The following ZMPSTE24 variants were observed in gnomAD, a reference collection of about 807,000 sequenced individuals.
The protein encoded by ZMPSTE24 is zinc metallopeptidase STE24, also known as CAAX prenyl protease 1 homolog.
A neutral mutation model predicts 56.7 loss-of-function variants in ZMPSTE24; 48 were observed. The ratio of observed to expected loss-of-function variants is 0.85; its 90% CI spans 0.67 to 1.08. The LOEUF (loss-of-function observed/expected upper bound fraction) is 1.08, where lower values mean the gene tolerates loss of function less well. ZMPSTE24 is among the 50% of genes least tolerant of loss of function. The probability of loss-of-function intolerance (pLI) is 0.00; values close to 1 mark genes in which losing one functional copy is unlikely to be tolerated. For synonymous variants in ZMPSTE24, 172 were observed against 195.2 expected, an observed-to-expected ratio of 0.88 and a Z score of 0.99; for missense variants, 503 against 548.7, an observed-to-expected ratio of 0.92 and a Z score of 0.83.
intron 6 of ZMPSTE24, among the ~76,000 whole-genome samples, chr1:40,275,882 G>T (rs780708174): frequency 1.3e-5 from 2 of 152,082 alleles, no homozygotes; most frequent in Non-Finnish European, 2.9e-5. Context: ...TGCAGAACCT[G>T]TCTGGTGAGG....
intron 2 of ZMPSTE24, among the ~76,000 whole-genome samples, chr1:40,265,012 A>G (rs1176750329): frequency 6.6e-6 from 1 of 152,034 alleles, no homozygotes; most frequent in African/African-American, 2.4e-5. Context: ...CAACATAGAG[A>G]CATTGTACAG....
In ZMPSTE24 at chr1:40,265,599, C is replaced by T. The variant is rs537769543; in HGVS notation, c.271-2187C>T. Among the ~76,000 whole-genome samples the T allele has an allele frequency of 1.8e-4, 28 of 152,168 alleles. No individual in the cohort carries two copies. In the South Asian group the frequency reaches 5.8e-3, roughly 32 times the overall value. ...CAGTCCTGGCTACTTGGGGGGCTGA[C>T]ATGGAAAGATCCTTTGAACCCAGGA... is the stretch of plus-strand genomic sequence containing the variant. On this transcript the variant is annotated intron_variant, in intron 2 of 9. Transcript: ENST00000372759.
intron 2 of ZMPSTE24, among the ~76,000 whole-genome samples, chr1:40,266,096 A>G (rs1643545772): frequency 6.6e-6 from 1 of 152,248 alleles, no homozygotes; most frequent in African/African-American, 2.4e-5. Flanking sequence ...AAAGCAAATC[A>G]TAGACTGATA....
intron 1 of ZMPSTE24, 89 bp downstream of exon 1, chr1:40,258,483 G>A (rs1643461406): frequency 6.2e-7 from 1 of 1,600,342 alleles, no homozygotes; most frequent in Admixed American, 1.7e-5. Flanking sequence ...TGATTGCTTC[G>A]GTCCCCGCGC....
At chr1:40,266,080 A>G (rs1422641262) in intron 2 of ZMPSTE24, among the ~76,000 whole-genome samples, 1 of 152,230 alleles carries the variant, frequency 6.6e-6, no homozygotes, top group East Asian at 1.9e-4. Context: ...AAAATTTAGA[A>G]TATAAAAAGC....
chr1:40,264,877 C>CAA lies in ZMPSTE24; in HGVS notation c.271-2887_271-2886dup, dbSNP rs35889679. Among the ~76,000 whole-genome samples, 362 of 52,216 alleles carry CAA rather than the reference C, an allele frequency of 6.9e-3. 1 individual carries two copies. The highest frequency in any genetic ancestry group is 0.015 in the African/African-American group (197 of 13,148). The allele number at this position is 52,216 out of a possible 152,430, so 34.3% of individuals were successfully genotyped here. On this transcript the variant is annotated intron_variant, in intron 2 of 9. Transcript: ENST00000372759. ...CTGGTGACAGAGTGAGATCCTGTCT[C>CAA]AAAAAAAAAAAAAAAAAAAAAAAGA...
chr1:40,266,359 C>T (rs1053409284), intron 2 of ZMPSTE24, among the ~76,000 whole-genome samples: 11 of 152,164 alleles, frequency 7.2e-5, no homozygotes, highest in African/African-American at 2.7e-4. Context: ...ATTGATTCCT[C>T]TTGACAAATG....
In ZMPSTE24 at chr1:40,269,983, G is replaced by C; in HGVS notation, c.483G>C (p.Gly161=). 3 of 1,612,912 alleles carry C rather than the reference G, an allele frequency of 1.9e-6. No individual in the cohort carries two copies. The highest frequency in any genetic ancestry group is 2.5e-6 in the Non-Finnish European group (3 of 1,179,736). The change falls in exon 5 of 10, where the codon GGG becomes GGC. Residue 161 remains glycine (G), a synonymous_variant. Transcript: ENST00000372759. The stretch of plus-strand genomic sequence containing the variant: ...ATGTTTTCTTTTTGCAGACTTTGGG[G>C]TTCTTCATGAAAGATGCAATCAAGA... ...EKHGFNQQTL[G]FFMKDAIKKF... is the part of the protein sequence containing the mutation.
rs373944901 is a variant in ZMPSTE24 at position 40,292,594 on chromosome 1, G to C, written c.1353G>C (p.Leu451Phe). The part of the protein sequence containing the change: ...DNLGFPVSDW[L>F]FSMWHYSHPP... ...TGGGATTCCCTGTTTCTGACTGGTT[G>C]TTCTCAATGTGGCATTATTCTCATC... The change falls in exon 10 of 10, where the codon TTG becomes TTC. Residue 451 changes from leucine to phenylalanine, a missense_variant. Physicochemically the swap from Leu to Phe is conservative, Grantham distance 22. Transcript: ENST00000372759. 1 of 1,614,100 alleles carries C rather than the reference G, an allele frequency of 6.2e-7. No homozygotes were observed. Among genetic ancestry groups the C allele is most frequent in the South Asian group, 1.1e-5 (1 of 91,080 alleles).
chr1:40,273,310 G>A (rs558010272), intron 6 of ZMPSTE24, among the ~76,000 whole-genome samples: 5 of 151,900 alleles, frequency 3.3e-5, no homozygotes, highest in Non-Finnish European at 5.9e-5. Context: ...CTGAGGTCAG[G>A]CGTTCGAGAC....
rs11383054 is a variant in ZMPSTE24, at chr1:40,260,055, CTTTTT to C, written c.124-764_124-760del. Reference sequence around the variant, plus strand: ...TATAATGAGATAGTTGATCTTTCTCCTTTTTTTTTTTTTTTTTTTTTTTTAAGGAG... The same window carrying C: ...TATAATGAGATAGTTGATCTTTCTCCTTTTTTTTTTTTTTTTTTTAAGGAG... On this transcript the variant is annotated intron_variant, in intron 1 of 9. Coordinates refer to ENST00000372759, the MANE Select transcript of ZMPSTE24 (RefSeq NM_005857.5). 6.3e-3 allele frequency among the ~76,000 whole-genome samples: 534 copies of C among 84,362 alleles called. 4 individuals carry two copies. Among genetic ancestry groups the C allele is most frequent in the African/African-American group, 0.027 (503 of 18,616 alleles). 55.3% of individuals were successfully genotyped at this position (84,362 alleles called of 152,430 possible).
chr1:40,290,764 A>G, intron 8 of ZMPSTE24, 90 bp from the exon 9 acceptor site: 13 of 1,540,250 alleles, frequency 8.4e-6, no homozygotes, highest in Non-Finnish European at 1.2e-5. Flanking sequence ...GCCCGGCCAC[A>G]CTGTGATTTC....
intron 3 of ZMPSTE24, 106 bp downstream of exon 3, chr1:40,267,978 C>A (rs187876532): frequency 4.2e-6 from 4 of 961,450 alleles, no homozygotes; most frequent in Non-Finnish European, 6.8e-6. Flanking sequence ...ATTTGCCTCT[C>A]TGTTTGCATA....
At chr1:40,279,368 C>G (rs1032347672) in intron 6 of ZMPSTE24, among the ~76,000 whole-genome samples, 1 of 152,138 alleles carries the variant, frequency 6.6e-6, no homozygotes, top group African/African-American at 2.4e-5. Flanking sequence ...CAGTTTCAGA[C>G]CATGAATTTT....
intron 4 of ZMPSTE24, 119 bp downstream of exon 4, chr1:40,268,654 G>A (rs1643581230): frequency 2.8e-6 from 2 of 724,574 alleles, no homozygotes; most frequent in South Asian, 3.7e-5. Context: ...AGAAAAAAGG[G>A]AACTACAGAT....
At chr1:40,275,381 T>C (rs185680307) in intron 6 of ZMPSTE24, among the ~76,000 whole-genome samples, 22 of 148,486 alleles carry the variant, frequency 1.5e-4, no homozygotes, top group Non-Finnish European at 4.4e-5. Flanking sequence ...TTGCAGTGAG[T>C]CAAGATCGTG....
At chr1:40,287,945 C>T (rs1015682189) in intron 8 of ZMPSTE24, among the ~76,000 whole-genome samples, 6 of 151,564 alleles carry the variant, frequency 4.0e-5, no homozygotes, top group African/African-American at 7.3e-5. Flanking sequence ...GGAAGGTTGA[C>T]GAGGGAAGAT....
Position 40,260,840 on chromosome 1 carries a change from G to A in ZMPSTE24, c.125G>A (p.Arg42Lys). Reference protein sequence around the residue: ...LWETFLAQRQRRIYKTTTHVP... With the variant: ...LWETFLAQRQKRIYKTTTHVP... ...AGTGTTTTCTTTAAAATATTTCAGA[G>A]AAGGATATATAAAACAACAACTCAT... Residue 42 changes from arginine to lysine, a missense_variant and splice_region_variant, in exon 2 of 10, where the codon AGA (arginine) becomes AAA (lysine). Arg to Lys is a conservative substitution (Grantham distance 26). Coordinates refer to ENST00000372759, the MANE Select transcript of ZMPSTE24 (RefSeq NM_005857.5). 6.2e-7 allele frequency: 1 copy of A among 1,613,304 alleles called. No homozygotes were observed. Among genetic ancestry groups the A allele is most frequent in the Non-Finnish European group, 8.5e-7 (1 of 1,179,454 alleles).
Position 40,281,470 on chromosome 1 carries a change from C to T in ZMPSTE24, c.897C>T (p.Gly299=). The T allele has an allele frequency of 6.2e-7, 1 of 1,614,064 alleles. No homozygotes were observed. The highest frequency in any genetic ancestry group is 1.1e-5 in the South Asian group (1 of 91,082). ...VLNKDIQEDS[G]MEPRNEEEGN... ...ACAAAGACATCCAGGAGGATTCTGGCATGGAACCCCGCAATGAGGAAGAAG... is the reference window on the plus strand; with the variant it reads ...ACAAAGACATCCAGGAGGATTCTGGTATGGAACCCCGCAATGAGGAAGAAG... The change falls in exon 7 of 10, where the codon GGC becomes GGT. Residue 299 remains glycine, a synonymous_variant. Transcript: ENST00000372759.
Sources: allele counts gnomAD v4.1 joint callset (sites outside exome capture counted in the v4.1 genomes callset), GRCh38; gene constraint gnomAD v4.1.1; transcripts MANE v1.5; gene names NCBI Gene and HGNC (gene_info 2026-07-23, HGNC 2026-07-21).